RHOBTB1: variants seen among roughly 807,000 people sequenced by gnomAD.
RHOBTB1 encodes the protein rho-related BTB domain-containing protein 1.
A neutral mutation model predicts 71.6 loss-of-function variants in RHOBTB1; 40 were observed. The ratio of observed to expected loss-of-function variants is 0.56; its 90% confidence interval spans 0.43 to 0.73. The LOEUF (loss-of-function observed/expected upper bound fraction) is 0.73, where lower values mean the gene tolerates loss of function less well. Among genes scored for constraint, RHOBTB1 ranks in the 30% least tolerant of loss-of-function variants. RHOBTB1 has a pLI of 0.00. For missense variants in RHOBTB1, 797 were observed against 894.0 expected (o/e 0.89, Z 1.38); for synonymous variants, 319 against 334.9 (o/e 0.95, Z 0.52).
At chr10:60,862,440 C>T in the RHOBTB1 span, among the ~76,000 whole-genome samples, 58 of 150,026 alleles carry the variant, frequency 3.9e-4, no homozygotes, top group Middle Eastern at 6.9e-3. Flanking sequence ...TCAGGTGATC[C>T]GCCTACCTCC....
chr10:60,955,047 T>TTTTC (rs1589413315), intron 2 of RHOBTB1, among the ~76,000 whole-genome samples: 1 of 145,768 alleles, frequency 6.9e-6, no homozygotes, highest in South Asian at 2.2e-4. Context: ...TTCTTTCTTT[T>TTTTC]TTTTTTTTTT....
chr10:60,878,136 A>G, intron 7 of RHOBTB1, 78 bp from the exon 8 acceptor site: 1 of 1,166,918 alleles, frequency 8.6e-7, no homozygotes, highest in South Asian at 1.4e-5. Context: ...GCTGCTTATA[A>G]ATATCCTGTG....
the RHOBTB1 span, among the ~76,000 whole-genome samples, chr10:60,863,028 A>G: frequency 5.9e-5 from 9 of 152,128 alleles, no homozygotes; most frequent in Non-Finnish European, 1.2e-4. Flanking sequence ...TTTACCTCCC[A>G]TTTTTAGTTT....
intron 7 of RHOBTB1, among the ~76,000 whole-genome samples, chr10:60,885,201 A>G (rs1314484923): frequency 1.3e-5 from 2 of 152,234 alleles, no homozygotes; most frequent in African/African-American, 4.8e-5. Context: ...AAGAAATGGT[A>G]AACATCTGAG....
rs757850098 is a variant in RHOBTB1 at position 60,888,691 on chromosome 10, C to T, written c.977G>A (p.Ser326Asn). 9 of 1,614,222 alleles carry T rather than the reference C, an allele frequency of 5.6e-6. No homozygotes were observed. The Admixed American group carries it at 1.5e-4, about 27-fold the overall frequency. The change falls in exon 6 of 11, where the codon AGT (serine) becomes AAT (asparagine). Residue 326 changes from serine to asparagine, a missense_variant. This residue lies in a region of RHOBTB1 where 658 missense variants were observed against 681.5 expected (regional missense o/e 0.97). Coordinates refer to ENST00000337910, the MANE Select transcript of RHOBTB1 (RefSeq NM_014836.5). ...CTCCCTTTCTTCCTCTGGGTCGACA[C>T]TCAATATCCGCCCCTGGAAATCTCT... Reference protein sequence around the residue: ...QSRDFQGRILSVDPEEEREEG... With the variant: ...QSRDFQGRILNVDPEEEREEG...
At chr10:60,963,440 T>C (rs1332338436) in intron 2 of RHOBTB1, among the ~76,000 whole-genome samples, 2 of 152,142 alleles carry the variant, frequency 1.3e-5, no homozygotes, top group Non-Finnish European at 2.9e-5. Context: ...AAAGGCTCCT[T>C]TGAAAGTTGC....
rs1209946752 is a variant in RHOBTB1, at chr10:60,888,988, G to A, written c.680C>T (p.Pro227Leu). The change falls in exon 6 of 11, where the codon CCT (proline) becomes CTT (leucine). Residue 227 changes from proline to leucine, a missense_variant. Pro to Leu is a moderately conservative substitution (Grantham distance 98). Transcript: ENST00000337910. ...AGGTAGGAAGGGTGCCTGAAGTAAAGGTTTCTGGACTTTCTTTAGGTGGGA... is the reference window on the plus strand; with the variant it reads ...AGGTAGGAAGGGTGCCTGAAGTAAAAGTTTCTGGACTTTCTTTAGGTGGGA... Reference protein sequence around the residue: ...WKSHLKKVQKPLLQAPFLPPK... With the variant: ...WKSHLKKVQKLLLQAPFLPPK... The A allele has an allele frequency of 1.9e-6, 3 of 1,614,110 alleles. No individual in the cohort carries two copies. The highest frequency in any genetic ancestry group is 2.2e-5 in the East Asian group (1 of 44,876).
chr10:60,861,407 A>G, the RHOBTB1 span, among the ~76,000 whole-genome samples: 1 of 152,196 alleles, frequency 6.6e-6, no homozygotes, highest in Admixed American at 6.5e-5. Flanking sequence ...TATTCTCCAG[A>G]CTTGAAGATC....
chr10:60,870,200 G>A lies in RHOBTB1; in HGVS notation c.*1282C>T, dbSNP rs2080714559. 1 of 152,548 alleles carries A rather than the reference G, an allele frequency of 6.6e-6. No individual in the cohort carries two copies. Among genetic ancestry groups the A allele is most frequent in the African/African-American group, 2.4e-5 (1 of 41,406 alleles). The allele number at this position is 152,548 out of a possible 1,614,324, so 9.4% of individuals were successfully genotyped here. A position where few individuals can be genotyped will look rare whatever the true frequency, so the allele number is the denominator to read the frequency against. ...GAGAAGCAATGACTGACTGCCTCAC[G>A]AAAGCTCCCCTGCTGTCACACTTCC... On this transcript the variant is annotated 3_prime_UTR_variant, in exon 11 of 11. Transcript: ENST00000337910.
chr10:60,894,066 TGAGAA>T (rs2082049358), intron 4 of RHOBTB1, among the ~76,000 whole-genome samples: 1 of 152,226 alleles, frequency 6.6e-6, no homozygotes, highest in African/African-American at 2.4e-5. Context: ...GTTTATGTAA[TGAGAA>T]GAGTCAAGTC....
At chr10:60,871,996 G>A in intron 10 of RHOBTB1, 189 bp downstream of exon 10, 1 of 644,212 alleles carries the variant, frequency 1.6e-6, no homozygotes, top group South Asian at 1.9e-5. Flanking sequence ...TCATCATCAA[G>A]TTCTCCAAAG....
At position 60,931,689 on chromosome 10, in the gene RHOBTB1, G is replaced by A. The variant is rs546567808; in HGVS notation, c.-11+10115C>T. Among the ~76,000 whole-genome samples the A allele has an allele frequency of 3.0e-4, 45 of 152,054 alleles. No homozygotes were observed. In the East Asian group the frequency reaches 6.4e-3, roughly 22 times the overall value. ...CATGATTTTTGATAACACATAAATT[G>A]TTTTTTCAAAACTATATGTATATAT... On this transcript the variant is annotated intron_variant, in intron 2 of 10. Transcript: ENST00000337910.
intron 2 of RHOBTB1, among the ~76,000 whole-genome samples, chr10:60,956,663 T>G (rs2085604974): frequency 6.8e-6 from 1 of 147,322 alleles, no homozygotes; most frequent in African/African-American, 2.5e-5. Flanking sequence ...TTTTTAGACT[T>G]TTTTTTTTTT....
rs78670918 is a variant in RHOBTB1, at chr10:60,930,987, C to T, written c.-11+10817G>A. On this transcript the variant is annotated intron_variant, in intron 2 of 10. Coordinates refer to ENST00000337910, the MANE Select transcript of RHOBTB1 (RefSeq NM_014836.5). ...TAATAACTGTATCTCTGTCATGTAACAGGAAGCAATATTGAAGTCTTCCCT... is the reference window on the plus strand; with the variant it reads ...TAATAACTGTATCTCTGTCATGTAATAGGAAGCAATATTGAAGTCTTCCCT... Among the ~76,000 whole-genome samples, 7 of 150,936 alleles carry T rather than the reference C, an allele frequency of 4.6e-5. 1 individual carries two copies. The East Asian group carries it at 1.4e-3, about 29-fold the overall frequency.
chr10:60,921,761 C>T (rs148578192), intron 2 of RHOBTB1, among the ~76,000 whole-genome samples: 9 of 152,362 alleles, frequency 5.9e-5, no homozygotes, highest in African/African-American at 2.2e-4. Flanking sequence ...TCATTAAGCC[C>T]TGTGGCCTTG....
chr10:60,880,177 C>CTGTGTGTGTGTG (rs1554829436), intron 7 of RHOBTB1, among the ~76,000 whole-genome samples: 3 of 100,640 alleles, frequency 3.0e-5, no homozygotes, highest in East Asian at 3.0e-4. Flanking sequence ...TGAGGGATGA[C>CTGTGTGTGTGTG]TGTGTGTGTG....
intron 2 of RHOBTB1, among the ~76,000 whole-genome samples, chr10:60,974,640 C>G (rs1166020519): frequency 6.6e-6 from 1 of 152,028 alleles, no homozygotes; most frequent in Non-Finnish European, 1.5e-5. Context: ...TGTTTATTCT[C>G]TAGCAGCCAA....
intron 2 of RHOBTB1, among the ~76,000 whole-genome samples, chr10:60,917,930 T>C (rs2133618923): frequency 6.6e-6 from 1 of 152,328 alleles, no homozygotes; most frequent in East Asian, 1.9e-4. Flanking sequence ...TTTCTCTGTA[T>C]CAATAAAGAG....
intron 7 of RHOBTB1, among the ~76,000 whole-genome samples, chr10:60,883,067 T>C (rs2081399044): frequency 6.6e-6 from 1 of 152,108 alleles, no homozygotes; most frequent in African/African-American, 2.4e-5. Context: ...TGAGAGTATA[T>C]TATAGTTTAC....
Sources: allele counts gnomAD v4.1 joint callset (sites outside exome capture counted in the v4.1 genomes callset), GRCh38; gene constraint gnomAD v4.1.1; regional missense constraint gnomAD v4.1.1; transcripts MANE v1.5; gene names NCBI Gene and HGNC (gene_info 2026-07-23, HGNC 2026-07-21).